The following NCALD variants were observed in gnomAD, a reference collection of about 807,000 sequenced individuals.
NCALD encodes the protein neurocalcin-delta.
Under a neutral mutation model 18.6 loss-of-function variants are expected in NCALD, and 10 were observed. The ratio of observed to expected loss-of-function variants is 0.54; its 90% CI spans 0.33 to 0.91. The LOEUF (loss-of-function observed/expected upper bound fraction) is 0.91. Ranked by LOEUF, NCALD falls within the 40% of genes least tolerant of loss-of-function variation. The pLI, the probability that NCALD is intolerant of heterozygous loss-of-function variation, is 0.03. For synonymous variants in NCALD, 88 were observed against 87.4 expected (o/e 1.01, Z -0.04); for missense variants, 184 against 247.6 (o/e 0.74, Z 1.72).
At chr8:101,782,261 A>G (rs1586489269) in intron 1 of NCALD, among the ~76,000 whole-genome samples, 1 of 152,116 alleles carries the variant, frequency 6.6e-6, no homozygotes, top group African/African-American at 2.4e-5. Flanking sequence ...GAAGTTACAC[A>G]GCTTTGCCTA....
At chr8:101,699,477 T>C (rs907485227) in intron 2 of NCALD, among the ~76,000 whole-genome samples, 5 of 152,316 alleles carry the variant, frequency 3.3e-5, no homozygotes, top group Admixed American at 6.5e-5. Context: ...TTTATTGCAG[T>C]ACTATCTACA....
chr8:101,942,576 T>C (rs914036512), intron 2 of NCALD, among the ~76,000 whole-genome samples: 1 of 152,168 alleles, frequency 6.6e-6, no homozygotes, highest in Non-Finnish European at 1.5e-5. Context: ...CCCAATTACA[T>C]AGGAAGAGCT....
At chr8:101,808,223 T>G (rs1392179235) in intron 4 of NCALD, among the ~76,000 whole-genome samples, 1 of 151,956 alleles carries the variant, frequency 6.6e-6, no homozygotes, top group Non-Finnish European at 1.5e-5. Flanking sequence ...CACTAAGGAG[T>G]AGTAAGCACC....
At chr8:101,692,368 CA>C (rs1469161932) in intron 3 of NCALD, 1 of 985,264 alleles carries the variant, frequency 1.0e-6, no homozygotes, top group Non-Finnish European at 1.2e-6. Context: ...ACCCCTTTGG[CA>C]GGCTGGAGTG....
chr8:101,699,741 C>T (rs1370481911), intron 2 of NCALD, among the ~76,000 whole-genome samples: 1 of 152,072 alleles, frequency 6.6e-6, no homozygotes, highest in Non-Finnish European at 1.5e-5. Context: ...GAGGGAACAA[C>T]ACACACTGGG....
intron 3 of NCALD, among the ~76,000 whole-genome samples, chr8:101,911,343 TTTTC>T (rs1817790012): frequency 2.0e-5 from 3 of 147,988 alleles, no homozygotes; most frequent in Admixed American, 6.7e-5. Context: ...TGAATTTCTC[TTTTC>T]TTTTTTTTCT....
chr8:102,109,723 A>G (rs1007719050), intron 1 of NCALD, among the ~76,000 whole-genome samples: 1 of 152,234 alleles, frequency 6.6e-6, no homozygotes, highest in African/African-American at 2.4e-5. Context: ...TATGTATACT[A>G]TGACTCATAA....
intron 1 of NCALD, among the ~76,000 whole-genome samples, chr8:101,757,041 T>C (rs1810912379): frequency 1.3e-5 from 2 of 152,198 alleles, no homozygotes; most frequent in African/African-American, 2.4e-5. Flanking sequence ...AGGAACAACA[T>C]TTTTCCAATA....
intron 1 of NCALD, among the ~76,000 whole-genome samples, chr8:102,042,977 G>A (rs1823106336): frequency 6.6e-6 from 1 of 151,880 alleles, no homozygotes; most frequent in African/African-American, 2.4e-5. Flanking sequence ...GGAAGAGCCA[G>A]ATGCAGTCCA....
chr8:101,939,082 C>T (rs1818862307), intron 2 of NCALD, among the ~76,000 whole-genome samples: 1 of 152,074 alleles, frequency 6.6e-6, no homozygotes, highest in African/African-American at 2.4e-5. Context: ...TAGCCTGAGG[C>T]CAAAAGAAAA....
intron 1 of NCALD, among the ~76,000 whole-genome samples, chr8:101,780,670 T>C (rs921872972): frequency 1.3e-5 from 2 of 152,176 alleles, no homozygotes; most frequent in African/African-American, 4.8e-5. Context: ...ACAATGCGAA[T>C]GTACTTAGTG....
chr8:102,048,535 G>C (rs9886663), intron 1 of NCALD, among the ~76,000 whole-genome samples: 1 of 152,046 alleles, frequency 6.6e-6, no homozygotes. Flanking sequence ...AACACAAGAG[G>C]CCATTTGGCT....
chr8:101,774,358 G>A (rs1469150657), intron 1 of NCALD, among the ~76,000 whole-genome samples: 1 of 152,074 alleles, frequency 6.6e-6, no homozygotes, highest in Non-Finnish European at 1.5e-5. Context: ...ACTGAACAAA[G>A]TATTCTTCCA....
At chr8:101,804,440 T>C (rs1812997530) in intron 4 of NCALD, among the ~76,000 whole-genome samples, 1 of 132,426 alleles carries the variant, frequency 7.6e-6, no homozygotes, top group South Asian at 2.3e-4. Flanking sequence ...TAATATATAA[T>C]TGATATAATT....
intron 1 of NCALD, among the ~76,000 whole-genome samples, chr8:101,720,432 A>G (rs1312177481): frequency 6.6e-6 from 1 of 152,172 alleles, no homozygotes; most frequent in Non-Finnish European, 1.5e-5. Context: ...ATACATAGGG[A>G]AAAAAAGCAG....
intron 2 of NCALD, among the ~76,000 whole-genome samples, chr8:101,699,922 A>T (rs1383518431): frequency 2.6e-5 from 4 of 152,192 alleles, no homozygotes; most frequent in African/African-American, 9.7e-5. Context: ...GTAAAATTTT[A>T]AAAAAAGAAA....
At chr8:102,060,226 CCGCCTTG>C (rs1823798560) in intron 1 of NCALD, among the ~76,000 whole-genome samples, 1 of 131,092 alleles carries the variant, frequency 7.6e-6, no homozygotes, top group Non-Finnish European at 1.5e-5. Flanking sequence ...TGTGATCTGC[CCGCCTTG>C]GCCTCCCAAA....
chr8:101,959,648 G>A (rs1241197214), intron 2 of NCALD, among the ~76,000 whole-genome samples: 1 of 152,078 alleles, frequency 6.6e-6, no homozygotes, highest in Non-Finnish European at 1.5e-5. Context: ...AGGCTACTAG[G>A]TCCTACAGAA....
intron 2 of NCALD, among the ~76,000 whole-genome samples, chr8:101,704,419 T>C (rs1484331170): frequency 6.6e-6 from 1 of 151,952 alleles, no homozygotes; most frequent in Non-Finnish European, 1.5e-5. Flanking sequence ...GAGAGGGAAA[T>C]GTGGTAAGAG....
Sources: allele counts gnomAD v4.1 joint callset (sites outside exome capture counted in the v4.1 genomes callset), GRCh38; gene constraint gnomAD v4.1.1; transcripts MANE v1.5; gene names NCBI Gene and HGNC (gene_info 2026-07-23, HGNC 2026-07-21).